The following NUP58 variants were observed in gnomAD, a reference collection of about 807,000 sequenced individuals.
NUP58 encodes nucleoporin p58/p45.
Under a neutral mutation model 70.1 loss-of-function variants are expected in NUP58, and 17 were observed. The observed-to-expected ratio is 0.24, with a 90% confidence interval of 0.17 to 0.36. The LOEUF (loss-of-function observed/expected upper bound fraction) is 0.36, where lower values mean the gene tolerates loss of function less well. Among genes scored for constraint, NUP58 ranks in the 10% least tolerant of loss-of-function variants. The pLI is 1.00. For missense variants in NUP58, 644 were observed against 701.5 expected, an observed-to-expected ratio of 0.92 and a Z score of 0.93; for synonymous variants, 275 against 257.6, an observed-to-expected ratio of 1.07 and a Z score of -0.65.
chr13:25,311,977 AGGCCAAAG>A (rs1566059036), intron 3 of NUP58, among the ~76,000 whole-genome samples: 3 of 152,162 alleles, frequency 2.0e-5, no homozygotes, highest in Non-Finnish European at 4.4e-5. Flanking sequence ...GATATGTAGG[AGGCCAAAG>A]GGACATCAAG....
At chr13:25,321,960 G>A (rs1389639277) in intron 9 of NUP58, among the ~76,000 whole-genome samples, 1 of 152,118 alleles carries the variant, frequency 6.6e-6, no homozygotes, top group Non-Finnish European at 1.5e-5. Context: ...GGCTAATGTT[G>A]TCTGTCACTA....
chr13:25,336,896 G>GTT, intron 13 of NUP58, 40 bp from the exon 14 acceptor site: 1 of 1,322,414 alleles, frequency 7.6e-7, no homozygotes, highest in South Asian at 1.4e-5. Flanking sequence ...AGGCAAATTT[G>GTT]TTTTTTTTCC....
intron 13 of NUP58, chr13:25,334,488 T>A (rs2031715739): frequency 1.0e-6 from 1 of 985,022 alleles, no homozygotes; most frequent in African/African-American, 1.7e-5. Context: ...TAGGAAACAT[T>A]AAGTATTTCA....
At chr13:25,308,526 G>T (rs1210615807) in intron 2 of NUP58, among the ~76,000 whole-genome samples, 2 of 149,948 alleles carry the variant, frequency 1.3e-5, no homozygotes, top group Non-Finnish European at 3.0e-5. Flanking sequence ...TCTCCTCCTG[G>T]TCTTAAATTC....
chr13:25,332,398 C>T, intron 13 of NUP58: 1 of 985,208 alleles, frequency 1.0e-6, no homozygotes, highest in Non-Finnish European at 1.2e-6. Flanking sequence ...AGGTTTGAAG[C>T]TTGACATGGA....
At chr13:25,334,306 C>G in intron 13 of NUP58, 2 of 985,274 alleles carry the variant, frequency 2.0e-6, no homozygotes, top group Non-Finnish European at 2.4e-6. Flanking sequence ...AGCAATGTAT[C>G]TGGGATTGAG....
rs1566052949 is a variant in NUP58 at position 25,302,149 on chromosome 13, G to GCAT, written c.107+269_107+270insCAT. ...GTTCAGGCATTATTTGGACCTAGTG[G>GCAT]GGTCTTGACTGCGTGGAAGGGCCTT... On this transcript the variant is annotated intron_variant, in intron 1 of 15. Coordinates refer to ENST00000381736, the MANE Select transcript of NUP58 (RefSeq NM_014089.4). Among the ~76,000 whole-genome samples, 9 of 152,376 alleles carry GCAT rather than the reference G, an allele frequency of 5.9e-5. No individual in the cohort carries two copies. In the East Asian group the frequency reaches 1.7e-3, roughly 29 times the overall value.
intron 13 of NUP58, chr13:25,333,294 G>T: frequency 1.0e-6 from 1 of 985,168 alleles, no homozygotes; most frequent in South Asian, 4.7e-5. Flanking sequence ...AGACAATATA[G>T]ATTTTGTCTT....
downstream of NUP58, among the ~76,000 whole-genome samples, chr13:25,343,796 CAT>C (rs1232130577): frequency 8.2e-6 from 1 of 121,452 alleles, no homozygotes; most frequent in Admixed American, 8.8e-5. Flanking sequence ...TAGTATTCCA[CAT>C]ATATATGTAT....
chr13:25,330,219 T>C (rs2137809769), intron 12 of NUP58, among the ~76,000 whole-genome samples: 1 of 152,356 alleles, frequency 6.6e-6, no homozygotes, highest in Middle Eastern at 3.4e-3. Context: ...TATGGGATAC[T>C]GATGCTTGCC....
At chr13:25,347,768 T>C (rs2032066990) in intron 3 of NUP58, among the ~76,000 whole-genome samples, 1 of 152,198 alleles carries the variant, frequency 6.6e-6, no homozygotes, top group Non-Finnish European at 1.5e-5. Context: ...GGTGCATTAA[T>C]AAAAATTCTT....
chr13:25,319,245 T>C, intron 6 of NUP58, 81 bp from the exon 7 acceptor site: 2 of 1,176,956 alleles, frequency 1.7e-6, no homozygotes, highest in Non-Finnish European at 2.5e-6. Context: ...ATACTTTAAT[T>C]TGTGTTAATT....
At chr13:25,320,307 G>C (rs1051861062) in intron 7 of NUP58, 4 of 385,366 alleles carry the variant, frequency 1.0e-5, no homozygotes, top group African/African-American at 6.4e-5. Context: ...AATCTTCTTA[G>C]ATAAGAAATC....
At chr13:25,327,250 A>G (rs552409749) in intron 11 of NUP58, among the ~76,000 whole-genome samples, 180 bp from the exon 12 acceptor site, 4 of 152,178 alleles carry the variant, frequency 2.6e-5, no homozygotes, top group African/African-American at 9.7e-5. Flanking sequence ...CCTTCCCCCC[A>G]GATTTCTTTT....
At chr13:25,319,433 T>G in intron 7 of NUP58, 83 bp downstream of exon 7, 1 of 1,282,002 alleles carries the variant, frequency 7.8e-7, no homozygotes, top group South Asian at 1.3e-5. Context: ...TAATTGAAAG[T>G]AAATATCATA....
At chr13:25,344,649 C>G (rs6491038), downstream of NUP58, among the ~76,000 whole-genome samples, 3 of 152,214 alleles carry the variant, frequency 2.0e-5, no homozygotes, top group African/African-American at 4.8e-5. Context: ...ACACAAAATA[C>G]GTCCTGGGGG....
chr13:25,332,057 C>T, intron 13 of NUP58: 1 of 1,004,662 alleles, frequency 1.0e-6, no homozygotes, highest in Non-Finnish European at 1.2e-6. Context: ...GATCAATAGG[C>T]TTGTTTGTAT....
chr13:25,327,957 T>C (rs931194918), intron 12 of NUP58, among the ~76,000 whole-genome samples: 1 of 152,050 alleles, frequency 6.6e-6, no homozygotes, highest in Non-Finnish European at 1.5e-5. Context: ...TCCCAGCACT[T>C]TGGGAGGCCG....
At chr13:25,348,535 C>T (rs184034549) in intron 3 of NUP58, among the ~76,000 whole-genome samples, 1 of 152,192 alleles carries the variant, frequency 6.6e-6, no homozygotes, top group East Asian at 1.9e-4. Context: ...CTTAGCCTCC[C>T]AAGTAGCTAG....
Sources: allele counts gnomAD v4.1 joint callset (sites outside exome capture counted in the v4.1 genomes callset), GRCh38; gene constraint gnomAD v4.1.1; transcripts MANE v1.5; gene names NCBI Gene and HGNC (gene_info 2026-07-23, HGNC 2026-07-21).